RBFOX1: variants seen among roughly 807,000 people sequenced by gnomAD.
The protein encoded by RBFOX1 is RNA binding protein fox-1 homolog 1.
Under a neutral mutation model 57.7 loss-of-function variants are expected in RBFOX1, and 8 were observed. The ratio of observed to expected loss-of-function variants is 0.14; its 90% CI spans 0.08 to 0.25. The LOEUF (loss-of-function observed/expected upper bound fraction) is 0.25. Ranked by LOEUF, RBFOX1 falls within the 10% of genes least tolerant of loss-of-function variation. The probability of loss-of-function intolerance (pLI) is 1.00; values close to 1 mark genes in which losing one functional copy is unlikely to be tolerated. For missense variants in RBFOX1, 611 were observed against 548.5 expected (o/e 1.11, Z -1.14); for synonymous variants, 326 against 222.4 (o/e 1.47, Z -4.15).
At chr16:6,560,853 C>G (rs752093453) in intron 2 of RBFOX1, among the ~76,000 whole-genome samples, 2 of 152,120 alleles carry the variant, frequency 1.3e-5, no homozygotes, top group Non-Finnish European at 2.9e-5. Flanking sequence ...AAGCCTAGTG[C>G]TTGGCATGTT....
intron 4 of RBFOX1, among the ~76,000 whole-genome samples, chr16:7,090,284 A>G (rs2060610160): frequency 6.6e-6 from 1 of 152,228 alleles, no homozygotes; most frequent in Admixed American, 6.5e-5. Context: ...AAATTTGTAA[A>G]GTAACCTCTT....
chr16:7,270,015 C>T (rs1038564159), intron 4 of RBFOX1, among the ~76,000 whole-genome samples: 1 of 152,146 alleles, frequency 6.6e-6, no homozygotes. Flanking sequence ...TTTCGTAATG[C>T]CAAGAGTAAA....
intron 4 of RBFOX1, among the ~76,000 whole-genome samples, chr16:7,342,149 C>T (rs1180914820): frequency 6.6e-6 from 1 of 152,118 alleles, no homozygotes; most frequent in African/African-American, 2.4e-5. Context: ...TGAGTCTGGC[C>T]ATTACTCTCT....
chr16:7,245,898 A>G (rs963323751), intron 4 of RBFOX1, among the ~76,000 whole-genome samples: 2 of 152,168 alleles, frequency 1.3e-5, no homozygotes, highest in African/African-American at 4.8e-5. Context: ...TTGCAAATAG[A>G]TATTCAATTC....
intron 3 of RBFOX1, among the ~76,000 whole-genome samples, chr16:5,633,651 C>G (rs2048590548): frequency 6.6e-6 from 1 of 151,974 alleles, no homozygotes; most frequent in South Asian, 2.1e-4. Context: ...AGGTGGGTGG[C>G]TCACCTGAGG....
intron 3 of RBFOX1, among the ~76,000 whole-genome samples, chr16:6,988,776 T>C (rs1477646023): frequency 1.3e-5 from 2 of 150,622 alleles, no homozygotes; most frequent in East Asian, 2.0e-4. Context: ...TTTTTTGTTT[T>C]TTGTTTTTGT....
upstream of RBFOX1, among the ~76,000 whole-genome samples, chr16:6,014,737 A>C (rs2152341803): frequency 6.6e-6 from 1 of 152,302 alleles, no homozygotes; most frequent in East Asian, 1.9e-4. Flanking sequence ...AAATTGTGCA[A>C]ATCATGTTAT....
At chr16:7,482,982 C>T (rs2064392345) in intron 4 of RBFOX1, among the ~76,000 whole-genome samples, 2 of 152,132 alleles carry the variant, frequency 1.3e-5, no homozygotes, top group African/African-American at 4.8e-5. Context: ...TGAAAATGTG[C>T]CTATGATTGT....
intron 2 of RBFOX1, among the ~76,000 whole-genome samples, chr16:6,501,683 C>G (rs562497416): frequency 3.3e-5 from 5 of 152,232 alleles, no homozygotes; most frequent in South Asian, 4.1e-4. Context: ...CCTGACGTTT[C>G]TGATCTCATT....
chr16:6,572,094 A>G (rs1434275693), intron 2 of RBFOX1, among the ~76,000 whole-genome samples: 1 of 152,202 alleles, frequency 6.6e-6, no homozygotes, highest in East Asian at 1.9e-4. Context: ...ACACTTAGCA[A>G]GCGTTCCAGG....
chr16:5,527,158 G>A (rs1157803486), intron 2 of RBFOX1, among the ~76,000 whole-genome samples: 2 of 152,194 alleles, frequency 1.3e-5, no homozygotes, highest in Non-Finnish European at 2.9e-5. Flanking sequence ...TTGAGGCTTG[G>A]CGAGATTGAG....
chr16:7,284,167 T>G (rs1386947800), intron 4 of RBFOX1, among the ~76,000 whole-genome samples: 1 of 152,244 alleles, frequency 6.6e-6, no homozygotes, highest in African/African-American at 2.4e-5. Flanking sequence ...CACTATAGTT[T>G]ATTCACTAGT....
At chr16:5,408,933 C>T (rs2066936218) in intron 1 of RBFOX1, among the ~76,000 whole-genome samples, 1 of 152,360 alleles carries the variant, frequency 6.6e-6, no homozygotes, top group South Asian at 2.1e-4. Context: ...GATCCGTTCA[C>T]CTCCCACCAG....
Position 6,819,664 on chromosome 16 carries a change from C to T in RBFOX1, c.-16+165014C>T, listed in dbSNP as rs527372490. 2.3e-4 allele frequency among the ~76,000 whole-genome samples: 26 copies of T among 113,968 alleles called. No individual in the cohort carries two copies. In the East Asian group the frequency reaches 7.3e-3, roughly 32 times the overall value. 74.8% of individuals were successfully genotyped at this position (113,968 alleles called of 152,430 possible). A position where few individuals can be genotyped will look rare whatever the true frequency, so the allele number is the denominator to read the frequency against. On this transcript the variant is annotated intron_variant, in intron 3 of 15. Transcript: ENST00000550418. ...AGGTTGCAGTGAGCCAGGATCAAGG[C>T]ATTGCATTCCAGCCTGGGCAACAAG...
chr16:6,034,825 T>C (rs891639643), intron 1 of RBFOX1, among the ~76,000 whole-genome samples: 2 of 152,066 alleles, frequency 1.3e-5, no homozygotes, highest in African/African-American at 4.8e-5. Flanking sequence ...TCTCATCCTG[T>C]TTCAGGATGG....
intron 15 of RBFOX1, 73 bp downstream of exon 15, chr16:7,709,204 G>T (rs62011897): frequency 0.32 from 440,240 of 1,385,578 alleles, 73,095 homozygotes; most frequent in Middle Eastern, 0.35. Flanking sequence ...ACCTCAGTAC[G>T]GGTTGACGTC....
chr16:6,985,657 A>T (rs1325883883), intron 3 of RBFOX1, among the ~76,000 whole-genome samples: 1 of 152,006 alleles, frequency 6.6e-6, no homozygotes, highest in African/African-American at 2.4e-5. Context: ...GCAAAACCCC[A>T]TCTCTACAAA....
At chr16:7,389,618 A>C (rs1182979310) in intron 4 of RBFOX1, among the ~76,000 whole-genome samples, 1 of 152,208 alleles carries the variant, frequency 6.6e-6, no homozygotes, top group African/African-American at 2.4e-5. Context: ...TAAAAACAAT[A>C]ATAAGCATAA....
At chr16:7,121,153 A>G (rs955389822) in intron 4 of RBFOX1, among the ~76,000 whole-genome samples, 1 of 152,072 alleles carries the variant, frequency 6.6e-6, no homozygotes, top group African/African-American at 2.4e-5. Context: ...CCCACAGCTA[A>G]TATCATACTT....
Sources: allele counts gnomAD v4.1 joint callset (sites outside exome capture counted in the v4.1 genomes callset), GRCh38; gene constraint gnomAD v4.1.1; transcripts MANE v1.5; gene names NCBI Gene and HGNC (gene_info 2026-07-23, HGNC 2026-07-21).